DNAJC6: variants seen among roughly 807,000 people sequenced by gnomAD.
DNAJC6 encodes auxilin.
Under a neutral mutation model 110.0 loss-of-function variants are expected in DNAJC6, and 34 were observed. The ratio of observed to expected loss-of-function variants is 0.31; its 90% confidence interval spans 0.24 to 0.41. DNAJC6 has a LOEUF of 0.41. Among genes scored for constraint, DNAJC6 ranks in the 10% least tolerant of loss-of-function variants. DNAJC6 has a pLI of 1.00. For missense variants in DNAJC6, 1,031 were observed against 1,207.8 expected, an observed-to-expected ratio of 0.85 and a Z score of 2.17; for synonymous variants, 406 against 437.2, an observed-to-expected ratio of 0.93 and a Z score of 0.89.
chr1:65,341,799 G>T (rs1252323382), intron 1 of DNAJC6, among the ~76,000 whole-genome samples: 1 of 152,054 alleles, frequency 6.6e-6, no homozygotes, highest in Non-Finnish European at 1.5e-5. Flanking sequence ...CTGTGGGGTG[G>T]GTGGGACTGG....
chr1:65,311,580 G>A (rs1244712701), intron 1 of DNAJC6, among the ~76,000 whole-genome samples: 6 of 152,078 alleles, frequency 3.9e-5, no homozygotes, highest in Non-Finnish European at 7.4e-5. Context: ...TTTCAAATCT[G>A]TGATATATCA....
intron 4 of DNAJC6, among the ~76,000 whole-genome samples, chr1:65,378,036 G>GC (rs1212905366): frequency 6.6e-6 from 1 of 151,928 alleles, no homozygotes; most frequent in African/African-American, 2.4e-5. Context: ...CCCTCCACAT[G>GC]CACACACTGC....
chr1:65,380,910 TGTTTTG>T (rs1645811976), intron 5 of DNAJC6, among the ~76,000 whole-genome samples: 3 of 120,008 alleles, frequency 2.5e-5, no homozygotes, highest in African/African-American at 1.2e-4. Context: ...TTTTGTTTTT[TGTTTTG>T]TTTTGTTTTT....
chr1:65,333,255 A>C (rs1408474275), intron 1 of DNAJC6, among the ~76,000 whole-genome samples: 3 of 152,172 alleles, frequency 2.0e-5, no homozygotes, highest in African/African-American at 7.2e-5. Flanking sequence ...AGATCTTTGG[A>C]TATGCTTCCA....
intron 1 of DNAJC6, among the ~76,000 whole-genome samples, chr1:65,296,592 T>TTTC (rs1445273962): frequency 1.5e-3 from 220 of 150,068 alleles, no homozygotes; most frequent in African/African-American, 5.1e-3. Flanking sequence ...ACATCTTTTT[T>TTTC]TTTTTTTTTT....
At chr1:65,375,735 A>C (rs1011506513) in intron 4 of DNAJC6, among the ~76,000 whole-genome samples, 38 of 152,154 alleles carry the variant, frequency 2.5e-4, no homozygotes, top group African/African-American at 8.9e-4. Context: ...CATGAAGTGA[A>C]TCTTTGTTGA....
chr1:65,412,086 G>A (rs537368212), intron 18 of DNAJC6, among the ~76,000 whole-genome samples: 1 of 152,342 alleles, frequency 6.6e-6, no homozygotes, highest in South Asian at 2.1e-4. Context: ...AGTTAGCTAG[G>A]ATGGTAATGA....
chr1:65,291,040 G>A (rs1166338751), intron 1 of DNAJC6, among the ~76,000 whole-genome samples: 1 of 152,100 alleles, frequency 6.6e-6, no homozygotes. Context: ...TGAATTTTTT[G>A]TTTGTTTGTT....
intron 1 of DNAJC6, among the ~76,000 whole-genome samples, chr1:65,324,932 T>C (rs1352602026): frequency 6.6e-6 from 1 of 152,104 alleles, no homozygotes; most frequent in Non-Finnish European, 1.5e-5. Context: ...AACCCTGATA[T>C]AGGGAATATA....
chr1:65,381,385 CAA>C (rs944888302), intron 5 of DNAJC6, among the ~76,000 whole-genome samples: 3 of 151,574 alleles, frequency 2.0e-5, no homozygotes, highest in Admixed American at 2.0e-4. Context: ...CCATCTCTAC[CAA>C]AAATGTAAAA....
intron 4 of DNAJC6, among the ~76,000 whole-genome samples, chr1:65,367,693 A>G (rs561584258): frequency 1.3e-5 from 2 of 152,330 alleles, no homozygotes; most frequent in Admixed American, 6.5e-5. Context: ...ACATATAAAG[A>G]TGTCTCTTTG....
At position 65,265,843 on chromosome 1, in the gene DNAJC6, G is replaced by C. The variant is rs376939093; in HGVS notation, c.-131+911G>C. ...AAGGGCGCAGCGGAGTCGCGTGCCC[G>C]TCCGGGCGGAGGACGCCGTCTCCGC... On this transcript the variant is annotated intron_variant, in intron 1 of 19. Transcript: ENST00000263441. Among the ~76,000 whole-genome samples, 4 of 152,000 alleles carry C rather than the reference G, an allele frequency of 2.6e-5. No homozygotes were observed. The East Asian group carries it at 7.7e-4, about 29-fold the overall frequency.
At chr1:65,394,841 G>C in intron 12 of DNAJC6, 57 bp from the exon 13 acceptor site, 1 of 1,514,012 alleles carries the variant, frequency 6.6e-7, no homozygotes, top group South Asian at 1.4e-5. Flanking sequence ...ACAATTCTGT[G>C]ACATTTAGTG....
chr1:65,388,525 CTGAG>C (rs1166945824), intron 9 of DNAJC6, 110 bp downstream of exon 9: 11 of 961,898 alleles, frequency 1.1e-5, no homozygotes, highest in Middle Eastern at 2.1e-4. Context: ...TGCTGAACTA[CTGAG>C]TGTCACTCAG....
upstream of DNAJC6, among the ~76,000 whole-genome samples, chr1:65,308,326 C>T (rs1645063827): frequency 6.6e-6 from 1 of 152,168 alleles, no homozygotes; most frequent in African/African-American, 2.4e-5. Context: ...TGTCAAATGA[C>T]TCTTGACGGG....
chr1:65,293,165 C>T (rs1644896093), intron 1 of DNAJC6, among the ~76,000 whole-genome samples: 2 of 152,228 alleles, frequency 1.3e-5, no homozygotes, highest in South Asian at 4.1e-4. Context: ...ACTTATATCT[C>T]ACCATTCTGG....
intron 1 of DNAJC6, among the ~76,000 whole-genome samples, chr1:65,278,826 G>T (rs1034776831): frequency 1.3e-5 from 2 of 152,096 alleles, no homozygotes; most frequent in Admixed American, 1.3e-4. Flanking sequence ...CTGACTCCTA[G>T]TTCATCTGAC....
At chr1:65,402,969 C>A (rs909890899) in intron 15 of DNAJC6, among the ~76,000 whole-genome samples, 3 of 152,042 alleles carry the variant, frequency 2.0e-5, no homozygotes, top group African/African-American at 7.2e-5. Flanking sequence ...TGCATTGATT[C>A]ATCCAACAAG....
chr1:65,300,325 T>G (rs1329660729), intron 1 of DNAJC6, among the ~76,000 whole-genome samples: 1 of 152,104 alleles, frequency 6.6e-6, no homozygotes, highest in Admixed American at 6.5e-5. Context: ...CTGCTGGAGC[T>G]CCATATTCCA....
Sources: allele counts gnomAD v4.1 joint callset (sites outside exome capture counted in the v4.1 genomes callset), GRCh38; gene constraint gnomAD v4.1.1; transcripts MANE v1.5; gene names NCBI Gene and HGNC (gene_info 2026-07-23, HGNC 2026-07-21).